Variants in IL13RA1 observed in about 807,000 individuals in gnomAD.
The protein encoded by IL13RA1 is interleukin-13 receptor subunit alpha-1.
IL13RA1 carries 14 observed loss-of-function variants against 33.8 expected under a neutral mutation model. The ratio of observed to expected loss-of-function variants is 0.41; its 90% CI spans 0.27 to 0.65. IL13RA1 has a LOEUF of 0.65. Among genes scored for constraint, IL13RA1 ranks in the 30% least tolerant of loss-of-function variants. The probability of loss-of-function intolerance (pLI) is 0.28; values close to 1 mark genes in which losing one functional copy is unlikely to be tolerated. For synonymous variants in IL13RA1, 116 were observed against 115.7 expected (o/e 1.00, Z -0.02); for missense variants, 313 against 327.0 (o/e 0.96, Z 0.33).
At chrX:118,746,135 A>ATTT (rs35565472) in intron 2 of IL13RA1, among the ~76,000 whole-genome samples, 1 of 107,116 alleles carries the variant, frequency 9.3e-6, no homozygotes, top group African/African-American at 3.4e-5. Context: ...TGATTACTGG[A>ATTT]TTTTTTTTTT....
chrX:118,780,790 G>A (rs1213672559), intron 10 of IL13RA1, among the ~76,000 whole-genome samples: 2 of 111,978 alleles, frequency 1.8e-5, no homozygotes, highest in Non-Finnish European at 3.8e-5. Flanking sequence ...TATGAAATTT[G>A]GCAGGGACAT....
intron 2 of IL13RA1, among the ~76,000 whole-genome samples, chrX:118,744,818 T>C (rs1335608269): frequency 1.8e-5 from 2 of 112,402 alleles, no homozygotes; most frequent in Non-Finnish European, 3.8e-5. Context: ...AAACTGGGAT[T>C]ATCTTCATGA....
Position 118,749,775 on chromosome X carries a change from A to G in IL13RA1, c.485A>G (p.Tyr162Cys). The G allele has an allele frequency of 8.7e-7, 1 of 1,155,087 alleles. No homozygotes were observed. The highest frequency in any genetic ancestry group is 1.2e-6 in the Non-Finnish European group (1 of 844,591). ...TSPDTNYTLY[Y>C]WHRSLEKIHQ... ...CCCGACACTAACTATACTCTCTACT[A>G]TTGGTGAGTATGTACAGTACAATTA... The change falls in exon 4 of 11, where the codon TAT (tyrosine) becomes TGT (cysteine). Residue 162 changes from tyrosine to cysteine, a missense_variant. By Grantham distance (194) the Tyr-to-Cys change is radical. Coordinates refer to ENST00000371666, the MANE Select transcript of IL13RA1 (RefSeq NM_001560.3).
intron 5 of IL13RA1, among the ~76,000 whole-genome samples, chrX:118,759,964 G>A (rs1326986094): frequency 2.7e-5 from 3 of 110,336 alleles, no homozygotes; most frequent in African/African-American, 9.9e-5. Flanking sequence ...GTAGAGACGG[G>A]GTTTTGCCAT....
chrX:118,728,698 A>G (rs1413628455), intron 1 of IL13RA1, among the ~76,000 whole-genome samples: 3 of 112,226 alleles, frequency 2.7e-5, no homozygotes, highest in South Asian at 3.7e-4. Flanking sequence ...TTGATTAGGA[A>G]ACCTTAATGC....
chrX:118,751,010 T>C (rs1435842648), intron 4 of IL13RA1, among the ~76,000 whole-genome samples: 1 of 111,534 alleles, frequency 9.0e-6, no homozygotes, highest in Admixed American at 9.6e-5. Flanking sequence ...TTTCAACGTG[T>C]TGGCCAGGCT....
At chrX:118,760,295 A>G (rs966762049) in intron 5 of IL13RA1, among the ~76,000 whole-genome samples, 5 of 111,770 alleles carry the variant, frequency 4.5e-5, no homozygotes, top group Non-Finnish European at 7.5e-5. Flanking sequence ...TTCATACAAT[A>G]TTTGTCTTTT....
At chrX:118,738,375 CCCTCCCTT>C (rs1172509982) in intron 1 of IL13RA1, among the ~76,000 whole-genome samples, 7 of 111,649 alleles carry the variant, frequency 6.3e-5, no homozygotes, top group Non-Finnish European at 1.1e-4. Context: ...CCACCTCCCT[CCCTCCCTT>C]GTCTAGTGAT....
intron 10 of IL13RA1, among the ~76,000 whole-genome samples, chrX:118,776,913 A>G (rs1055885920): frequency 9.2e-6 from 1 of 108,889 alleles, no homozygotes; most frequent in Non-Finnish European, 1.9e-5. Context: ...GCAGTGAGCC[A>G]TGATCATGCC....
intron 1 of IL13RA1, among the ~76,000 whole-genome samples, chrX:118,735,142 C>G (rs2147364455): frequency 9.1e-6 from 1 of 109,987 alleles, no homozygotes; most frequent in Admixed American, 9.6e-5. Flanking sequence ...GAGAAATACT[C>G]ATTTTCATTT....
In IL13RA1 at chrX:118,776,437, AT is replaced by A; in HGVS notation, c.1119del (p.Ile374TyrfsTer43). ...LLLYLKRLKI[I>X]IFPPIPDPGK... Reference sequence around the variant, plus strand: ...TCTGTTTTCTTAAAGGCTCAAGATTATTATATTCCCTCCAATTCCTGATCCT... The same window carrying A: ...TCTGTTTTCTTAAAGGCTCAAGATTATATATTCCCTCCAATTCCTGATCCT... On this transcript the variant is annotated frameshift_variant, in exon 10 of 11. Coordinates refer to ENST00000371666, the MANE Select transcript of IL13RA1 (RefSeq NM_001560.3). LOFTEE classifies it high-confidence loss of function. 1 of 947,516 alleles carries A rather than the reference AT, an allele frequency of 1.1e-6. No homozygotes were observed. Among genetic ancestry groups the A allele is most frequent in the South Asian group, 2.0e-5 (1 of 50,603 alleles). The allele number at this position is 947,516 out of a possible 1,213,427, so 78.1% of individuals were successfully genotyped here. A position where few individuals can be genotyped will look rare whatever the true frequency, so the allele number is the denominator to read the frequency against.
chrX:118,727,766 C>T lies in IL13RA1; in HGVS notation c.88+40C>T, dbSNP rs1457693424. On this transcript the variant is annotated intron_variant, in intron 1 of 10. Transcript: ENST00000371666. ...CGGGGCCCGAGGGGCGGCCGGAGGG[C>T]TGAGGGCGGTGAGGGTCACGGCTGA... 2.9e-5 allele frequency: 19 copies of T among 657,725 alleles called. No homozygotes were observed. In the African/African-American group the frequency reaches 3.3e-4, roughly 12 times the overall value. The allele number at this position is 657,725 out of a possible 1,213,427, so 54.2% of individuals were successfully genotyped here.
chrX:118,789,609 AT>A, intron 10 of IL13RA1, among the ~76,000 whole-genome samples: 1 of 111,420 alleles, frequency 9.0e-6, no homozygotes, highest in Middle Eastern at 4.2e-3. Flanking sequence ...TACGTATTAG[AT>A]ATTAACCCTC....
At chrX:118,762,471 G>A (rs2017600334) in intron 6 of IL13RA1, among the ~76,000 whole-genome samples, 1 of 111,880 alleles carries the variant, frequency 8.9e-6, no homozygotes, top group African/African-American at 3.2e-5. Flanking sequence ...AAATTCCTTG[G>A]TCCAGTTGTT....
chrX:118,786,098 TTTTA>T (rs1436301960), intron 10 of IL13RA1, among the ~76,000 whole-genome samples: 1 of 111,893 alleles, frequency 8.9e-6, no homozygotes, highest in Non-Finnish European at 1.9e-5. Flanking sequence ...CTCATTTTTA[TTTTA>T]TTCTTTAATT....
At chrX:118,781,211 T>A (rs1028213284) in intron 10 of IL13RA1, among the ~76,000 whole-genome samples, 1 of 103,429 alleles carries the variant, frequency 9.7e-6, no homozygotes, top group African/African-American at 3.6e-5. Context: ...AAAAAAAAAA[T>A]CTGTCCTCCC....
chrX:118,786,354 G>A (rs1160178070), intron 10 of IL13RA1, among the ~76,000 whole-genome samples: 1 of 108,652 alleles, frequency 9.2e-6, no homozygotes, highest in Non-Finnish European at 1.9e-5. Context: ...TCACGCCTCT[G>A]CACTCCAGCC....
intron 2 of IL13RA1, among the ~76,000 whole-genome samples, chrX:118,742,194 G>A (rs191394642): frequency 8.9e-6 from 1 of 112,101 alleles, no homozygotes; most frequent in Non-Finnish European, 1.9e-5. Flanking sequence ...TCCTGCTGAG[G>A]TGTTACTTAT....
intron 4 of IL13RA1, among the ~76,000 whole-genome samples, chrX:118,750,963 T>C (rs997209538): frequency 3.6e-5 from 4 of 110,815 alleles, no homozygotes; most frequent in Non-Finnish European, 7.6e-5. Context: ...TGCACCACCA[T>C]GCCTGGCTAA....
Sources: allele counts gnomAD v4.1 joint callset (sites outside exome capture counted in the v4.1 genomes callset), GRCh38; gene constraint gnomAD v4.1.1; transcripts MANE v1.5; gene names NCBI Gene and HGNC (gene_info 2026-07-23, HGNC 2026-07-21).